SORCS1: variants seen among roughly 807,000 people sequenced by gnomAD.
SORCS1 encodes the protein sortilin related VPS10 domain containing receptor 1.
Under a neutral mutation model 146.1 loss-of-function variants are expected in SORCS1, and 60 were observed. The observed-to-expected ratio is 0.41, with a 90% CI of 0.33 to 0.51. SORCS1 has a LOEUF of 0.51. SORCS1 is among the 20% of genes least tolerant of loss of function. The pLI, the probability that SORCS1 is intolerant of heterozygous loss-of-function variation, is 0.21. For synonymous variants in SORCS1, 637 were observed against 584.0 expected, an observed-to-expected ratio of 1.09 and a Z score of -1.31; for missense variants, 1,352 against 1,487.6, an observed-to-expected ratio of 0.91 and a Z score of 1.50.
intron 2 of SORCS1, among the ~76,000 whole-genome samples, chr10:106,892,250 C>T (rs781554383): frequency 6.6e-5 from 10 of 152,298 alleles, no homozygotes; most frequent in Non-Finnish European, 1.3e-4. Context: ...AGTTAAACAA[C>T]GGTTCAAATA....
chr10:106,978,438 A>C (rs1415479215), intron 1 of SORCS1, among the ~76,000 whole-genome samples: 1 of 152,226 alleles, frequency 6.6e-6, no homozygotes, highest in Non-Finnish European at 1.5e-5. Context: ...ATACAGTACT[A>C]GAAATACAAA....
chr10:106,861,779 C>T (rs948158977), intron 2 of SORCS1, among the ~76,000 whole-genome samples: 1 of 152,064 alleles, frequency 6.6e-6, no homozygotes, highest in African/African-American at 2.4e-5. Flanking sequence ...GTCCCAGCTA[C>T]TCGGGAGGCT....
intron 2 of SORCS1, among the ~76,000 whole-genome samples, chr10:106,871,430 A>C (rs920372037): frequency 6.6e-5 from 10 of 152,232 alleles, no homozygotes; most frequent in Admixed American, 3.9e-4. Context: ...TACCATAAAG[A>C]CACATGCATG....
chr10:107,111,230 T>C (rs1279094376), intron 1 of SORCS1, among the ~76,000 whole-genome samples: 2 of 149,146 alleles, frequency 1.3e-5, no homozygotes, highest in Non-Finnish European at 3.0e-5. Flanking sequence ...TCCAAAGAAA[T>C]GGAGATCTAC....
chr10:106,821,676 C>T (rs1948032227), intron 3 of SORCS1, among the ~76,000 whole-genome samples: 1 of 152,118 alleles, frequency 6.6e-6, no homozygotes, highest in Non-Finnish European at 1.5e-5. Flanking sequence ...AATCCCAGCA[C>T]TTTGGGAGGC....
At chr10:106,646,661 C>A (rs1849459224) in intron 18 of SORCS1, among the ~76,000 whole-genome samples, 1 of 152,076 alleles carries the variant, frequency 6.6e-6, no homozygotes, top group South Asian at 2.1e-4. Context: ...CTTGCCACTG[C>A]ACTCCAGCCT....
At chr10:107,057,856 G>A (rs906434828) in intron 1 of SORCS1, among the ~76,000 whole-genome samples, 7 of 152,148 alleles carry the variant, frequency 4.6e-5, no homozygotes, top group South Asian at 2.1e-4. Flanking sequence ...TCCCCAGGCC[G>A]CAGTGCAGTG....
At chr10:106,837,964 T>G (rs1948852795) in intron 2 of SORCS1, among the ~76,000 whole-genome samples, 1 of 152,176 alleles carries the variant, frequency 6.6e-6, no homozygotes, top group African/African-American at 2.4e-5. Context: ...TACTTATTTT[T>G]ATTGTGTCTT....
At chr10:106,901,195 C>G (rs1268636976) in intron 2 of SORCS1, among the ~76,000 whole-genome samples, 1 of 152,142 alleles carries the variant, frequency 6.6e-6, no homozygotes, top group Non-Finnish European at 1.5e-5. Flanking sequence ...AACAGGGTTG[C>G]CATTGTGATT....
At chr10:106,654,854 A>AT (rs374405891) in intron 17 of SORCS1, among the ~76,000 whole-genome samples, 505 of 145,504 alleles carry the variant, frequency 3.5e-3, no homozygotes, top group African/African-American at 8.9e-3. Context: ...ATTCCATCTG[A>AT]TTTTTTTTTT....
chr10:107,117,018 T>C (rs969010000), intron 1 of SORCS1, among the ~76,000 whole-genome samples: 2 of 152,060 alleles, frequency 1.3e-5, no homozygotes, highest in African/African-American at 4.8e-5. Context: ...AGAATTAAAA[T>C]CCAATTTTCA....
intron 1 of SORCS1, among the ~76,000 whole-genome samples, chr10:107,067,646 A>C (rs1273312525): frequency 6.6e-6 from 1 of 152,210 alleles, no homozygotes; most frequent in Non-Finnish European, 1.5e-5. Context: ...GATTTAATTT[A>C]TCATTAAGAG....
chr10:106,965,120 TGTC>T (rs1483872276), intron 1 of SORCS1, among the ~76,000 whole-genome samples: 3 of 152,062 alleles, frequency 2.0e-5, no homozygotes, highest in Non-Finnish European at 4.4e-5. Context: ...CCTCTGACAG[TGTC>T]AGCACTCAGT....
intron 19 of SORCS1, among the ~76,000 whole-genome samples, chr10:106,623,419 G>T (rs1787403292): frequency 6.6e-6 from 1 of 151,712 alleles, no homozygotes; most frequent in Admixed American, 6.6e-5. Flanking sequence ...GCTAATTTTT[G>T]ATTTTTAGTA....
intron 1 of SORCS1, among the ~76,000 whole-genome samples, chr10:107,024,082 G>A (rs1038467260): frequency 6.6e-6 from 1 of 151,478 alleles, no homozygotes; most frequent in African/African-American, 2.4e-5. Flanking sequence ...GCTGAGACAG[G>A]AGAATCGCTT....
At chr10:106,765,663 T>C (rs1438569849) in intron 4 of SORCS1, among the ~76,000 whole-genome samples, 1 of 151,964 alleles carries the variant, frequency 6.6e-6, no homozygotes, top group African/African-American at 2.4e-5. Context: ...CAATTCCTAG[T>C]CTACAGCAGA....
At chr10:106,638,376 T>C (rs1159270596) in intron 18 of SORCS1, among the ~76,000 whole-genome samples, 2 of 152,030 alleles carry the variant, frequency 1.3e-5, no homozygotes, top group African/African-American at 2.4e-5. Flanking sequence ...AGAAATATGT[T>C]AGCTTTATTA....
chr10:106,862,003 C>A (rs777245391), intron 2 of SORCS1, among the ~76,000 whole-genome samples: 5 of 152,166 alleles, frequency 3.3e-5, no homozygotes, highest in Non-Finnish European at 5.9e-5. Flanking sequence ...ACATGTTTAA[C>A]TGAGCTTTTG....
intron 16 of SORCS1, among the ~76,000 whole-genome samples, chr10:106,670,577 C>T (rs1210813102): frequency 6.6e-6 from 1 of 152,110 alleles, no homozygotes; most frequent in Non-Finnish European, 1.5e-5. Context: ...TATTCCACTA[C>T]AGGAAATCCT....
Sources: allele counts gnomAD v4.1 joint callset (sites outside exome capture counted in the v4.1 genomes callset), GRCh38; gene constraint gnomAD v4.1.1; transcripts MANE v1.5; gene names NCBI Gene and HGNC (gene_info 2026-07-23, HGNC 2026-07-21).